CDK14: variants seen among roughly 807,000 people sequenced by gnomAD.
CDK14 encodes cyclin dependent kinase 14, also known as cyclin-dependent kinase 14.
CDK14 carries 34 observed loss-of-function variants against 60.7 expected under a neutral mutation model. The ratio of observed to expected loss-of-function variants is 0.56; its 90% CI spans 0.43 to 0.75. The LOEUF (loss-of-function observed/expected upper bound fraction) is 0.75, where lower values mean the gene tolerates loss of function less well. Ranked by LOEUF, CDK14 falls within the 30% of genes least tolerant of loss-of-function variation. The pLI, the probability that CDK14 is intolerant of heterozygous loss-of-function variation, is 0.00. For missense variants in CDK14, 482 were observed against 564.1 expected (o/e 0.85, Z 1.47); for synonymous variants, 197 against 203.7 (o/e 0.97, Z 0.28).
intron 14 of CDK14, among the ~76,000 whole-genome samples, chr7:91,155,864 T>C (rs1358566831): frequency 6.6e-6 from 1 of 152,212 alleles, no homozygotes; most frequent in East Asian, 1.9e-4. Context: ...AGGCTAAGCT[T>C]GATCCAAAAA....
chr7:91,190,741 C>T (rs1054984705), intron 14 of CDK14, among the ~76,000 whole-genome samples: 2 of 152,088 alleles, frequency 1.3e-5, no homozygotes, highest in African/African-American at 2.4e-5. Flanking sequence ...CCACCCACCT[C>T]GGCCTCCCAA....
intron 2 of CDK14, chr7:90,709,289 A>T (rs1801974663): frequency 1.6e-6 from 1 of 626,088 alleles, no homozygotes; most frequent in African/African-American, 1.9e-5. Context: ...TGGTGGCTGA[A>T]ACTTGGCCTT....
chr7:90,735,403 G>A (rs1050146241), intron 3 of CDK14, among the ~76,000 whole-genome samples: 1 of 152,176 alleles, frequency 6.6e-6, no homozygotes, highest in Non-Finnish European at 1.5e-5. Context: ...TGCTGAAGCT[G>A]CGCCCACAGC....
At chr7:91,044,340 G>A (rs755267836) in intron 10 of CDK14, among the ~76,000 whole-genome samples, 2 of 152,200 alleles carry the variant, frequency 1.3e-5, no homozygotes, top group Admixed American at 6.5e-5. Flanking sequence ...AGAAAGGAAT[G>A]TCTGGGTTAC....
At chr7:90,628,744 G>T (rs1370072775) in intron 2 of CDK14, among the ~76,000 whole-genome samples, 5 of 152,122 alleles carry the variant, frequency 3.3e-5, no homozygotes, top group Non-Finnish European at 7.4e-5. Flanking sequence ...CTCAAGGCGG[G>T]AGGATCATTT....
chr7:90,703,813 C>T (rs973347652), intron 2 of CDK14, among the ~76,000 whole-genome samples: 3 of 152,146 alleles, frequency 2.0e-5, no homozygotes, highest in African/African-American at 4.8e-5. Context: ...GAGCCAGCAG[C>T]GGTGGTGCAC....
At chr7:90,667,557 T>G (rs1801008623) in intron 2 of CDK14, among the ~76,000 whole-genome samples, 1 of 152,098 alleles carries the variant, frequency 6.6e-6, no homozygotes, top group Non-Finnish European at 1.5e-5. Flanking sequence ...TTCATCCATG[T>G]TGTAGCATGT....
chr7:91,130,507 C>T (rs1800083965), intron 14 of CDK14, among the ~76,000 whole-genome samples: 1 of 152,108 alleles, frequency 6.6e-6, no homozygotes. Context: ...CTCTATTTCA[C>T]AAGTGTCATG....
intron 4 of CDK14, among the ~76,000 whole-genome samples, chr7:90,750,153 A>AAC (rs3138824): frequency 0.032 from 4,175 of 131,324 alleles, 82 homozygotes; most frequent in African/African-American, 0.044. Context: ...GGGGAAAGAA[A>AAC]ACACACACAC....
At chr7:90,722,474 G>C (rs995765918) in intron 2 of CDK14, among the ~76,000 whole-genome samples, 1 of 152,086 alleles carries the variant, frequency 6.6e-6, no homozygotes, top group African/African-American at 2.4e-5. Context: ...CCAAATGCTG[G>C]GACTACAGGT....
intron 3 of CDK14, among the ~76,000 whole-genome samples, chr7:90,744,006 C>CT (rs112154880): frequency 6.7e-5 from 10 of 149,538 alleles, no homozygotes; most frequent in Non-Finnish European, 8.9e-5. Flanking sequence ...TAACTTTATT[C>CT]TTTTTTTTTA....
At chr7:90,968,968 T>G (rs967214171) in intron 9 of CDK14, among the ~76,000 whole-genome samples, 4 of 152,194 alleles carry the variant, frequency 2.6e-5, no homozygotes, top group Admixed American at 2.6e-4. Flanking sequence ...ACCTGGTTCC[T>G]GCCCTCGAGC....
intron 10 of CDK14, among the ~76,000 whole-genome samples, chr7:91,042,547 A>G (rs1385742193): frequency 6.6e-6 from 1 of 152,194 alleles, no homozygotes; most frequent in African/African-American, 2.4e-5. Context: ...AGCCAAATAA[A>G]GAGCTGAACC....
chr7:90,639,543 G>A (rs1726631145), intron 2 of CDK14, among the ~76,000 whole-genome samples: 1 of 151,984 alleles, frequency 6.6e-6, no homozygotes, highest in South Asian at 2.1e-4. Flanking sequence ...TACCTACTGG[G>A]GTGTGCCTCC....
chr7:91,103,124 G>A (rs1026221536), intron 12 of CDK14, among the ~76,000 whole-genome samples: 11 of 152,010 alleles, frequency 7.2e-5, no homozygotes, highest in South Asian at 6.2e-4. Context: ...TTGGTGGTGT[G>A]CACCTGTAAT....
intron 7 of CDK14, among the ~76,000 whole-genome samples, chr7:90,907,375 T>C (rs1792743132): frequency 6.6e-6 from 1 of 152,096 alleles, no homozygotes; most frequent in Admixed American, 6.6e-5. Flanking sequence ...ATGGTCTAAA[T>C]TTCATCCTTT....
At chr7:90,736,151 C>G (rs941539797) in intron 3 of CDK14, among the ~76,000 whole-genome samples, 22 of 152,016 alleles carry the variant, frequency 1.4e-4, no homozygotes, top group Admixed American at 1.4e-3. Flanking sequence ...GTGGGCTGCA[C>G]CAACTGTCCA....
chr7:90,766,249 G>C (rs1858809), intron 4 of CDK14, among the ~76,000 whole-genome samples: 66,055 of 151,530 alleles, frequency 0.44, 15,167 homozygotes, highest in East Asian at 0.82. Flanking sequence ...GTAATTTAGA[G>C]TTATGAAATA....
At chr7:90,768,679 G>A (rs1031611246) in intron 4 of CDK14, among the ~76,000 whole-genome samples, 2 of 152,066 alleles carry the variant, frequency 1.3e-5, no homozygotes, top group African/African-American at 4.8e-5. Flanking sequence ...ATAGTATACC[G>A]ATTGGATGCA....
Sources: allele counts gnomAD v4.1 joint callset (sites outside exome capture counted in the v4.1 genomes callset), GRCh38; gene constraint gnomAD v4.1.1; transcripts MANE v1.5; gene names NCBI Gene and HGNC (gene_info 2026-07-23, HGNC 2026-07-21).